The following BTN2A2 variants were observed in gnomAD, a reference collection of about 807,000 sequenced individuals.
The protein encoded by BTN2A2 is butyrophilin subfamily 2 member A2, also known as butyrophilin 2.
In BTN2A2, 29 loss-of-function variants were observed where a neutral mutation model predicts 34.7. The observed-to-expected ratio is 0.84, with a 90% CI of 0.62 to 1.14. BTN2A2 has a LOEUF of 1.14. BTN2A2 is among the 50% of genes most tolerant of loss of function. BTN2A2 has a pLI of 0.00. For missense variants in BTN2A2, 612 were observed against 651.5 expected, an observed-to-expected ratio of 0.94 and a Z score of 0.66; for synonymous variants, 240 against 253.1, an observed-to-expected ratio of 0.95 and a Z score of 0.49.
rs769686692 is a variant in BTN2A2 at position 26,385,253 on chromosome 6, C to G, written c.333C>G (p.Ser111Arg). 6.2e-7 allele frequency: 1 copy of G among 1,614,164 alleles called. No homozygotes were observed. Among genetic ancestry groups the G allele is most frequent in the Non-Finnish European group, 8.5e-7 (1 of 1,180,044 alleles). The change falls in exon 3 of 8, where the codon AGC becomes AGG. Residue 111 changes from serine (S) to arginine (R), a missense_variant. By Grantham distance (110) the Ser-to-Arg change is moderately radical. Coordinates refer to ENST00000356709, the MANE Select transcript of BTN2A2 (RefSeq NM_006995.5). ...TFVSKDINRG[S>R]VALVIHNVTA... is the part of the protein sequence containing the mutation. Reference sequence around the variant, plus strand: ...TGAGCAAAGACATCAACAGGGGCAGCGTGGCCCTGGTCATACATAACGTCA... The same window carrying G: ...TGAGCAAAGACATCAACAGGGGCAGGGTGGCCCTGGTCATACATAACGTCA...
At chr6:26,387,886 A>G in intron 3 of BTN2A2, 127 bp from the exon 4 acceptor site, 1 of 972,502 alleles carries the variant, frequency 1.0e-6, no homozygotes, top group Non-Finnish European at 1.5e-6. Flanking sequence ...AGATCTCACA[A>G]TTTATTTTGC....
chr6:26,392,181 T>C, intron 7 of BTN2A2, 194 bp from the exon 8 acceptor site: 1 of 1,520,856 alleles, frequency 6.6e-7, no homozygotes, highest in Non-Finnish European at 8.8e-7. Context: ...GCACTGCTTC[T>C]GTCTCTGGAG....
intron 3 of BTN2A2, among the ~76,000 whole-genome samples, chr6:26,386,363 A>G (rs187658268): frequency 1.2e-4 from 18 of 152,124 alleles, no homozygotes; most frequent in South Asian, 4.1e-4. Context: ...AGGACTGAAA[A>G]AAGCCTTTAA....
intron 7 of BTN2A2, chr6:26,391,669 G>C (rs73736248): frequency 6.5e-6 from 1 of 154,992 alleles, no homozygotes; most frequent in Non-Finnish European, 1.4e-5. Context: ...AGAATGCTCA[G>C]CTCCTGGGGC....
Position 26,388,976 on chromosome 6 carries a change from C to T in BTN2A2, c.724+682C>T, listed in dbSNP as rs140747970. 1.4e-4 allele frequency among the ~76,000 whole-genome samples: 22 copies of T among 152,078 alleles called. No homozygotes were observed. The South Asian group carries it at 3.9e-3, about 27-fold the overall frequency. ...CTCTACCAAAACTACAAAAATTAGC[C>T]GAGTGCGGTAGCAGGCGCCTGTAAT... On this transcript the variant is annotated intron_variant, in intron 4 of 7. Transcript: ENST00000356709.
chr6:26,393,023 A>T lies in BTN2A2; in HGVS notation c.*56A>T. On this transcript the variant is annotated 3_prime_UTR_variant, in exon 8 of 8. Transcript: ENST00000356709. ...ATAAGCCCTGGCCATCTCAGCAGCC[A>T]CCGCACAACCCCCCTAATGAAAGAC... 3 of 1,613,414 alleles carry T rather than the reference A, an allele frequency of 1.9e-6. No homozygotes were observed. The highest frequency in any genetic ancestry group is 2.5e-6 in the Non-Finnish European group (3 of 1,179,644).
rs1474087687 is a variant in BTN2A2 at position 26,393,473 on chromosome 6, A to G, written c.*506A>G. The stretch of plus-strand genomic sequence containing the variant: ...GCTGGGAGGGACCAAGGTTGTAAGG[A>G]TGGCTAAGTCCCACCATAAGAGCTA... On this transcript the variant is annotated 3_prime_UTR_variant, in exon 8 of 8. Transcript: ENST00000356709. The G allele has an allele frequency of 1.9e-6, 2 of 1,055,514 alleles. No homozygotes were observed. Among genetic ancestry groups the G allele is most frequent in the African/African-American group, 3.4e-5 (2 of 59,034 alleles). The allele number at this position is 1,055,514 out of a possible 1,614,324, so 65.4% of individuals were successfully genotyped here.
In BTN2A2 at chr6:26,393,398, G is replaced by C. The variant is rs1373427628; in HGVS notation, c.*431G>C. On this transcript the variant is annotated 3_prime_UTR_variant, in exon 8 of 8. Coordinates refer to ENST00000356709, the MANE Select transcript of BTN2A2 (RefSeq NM_006995.5). ...AGGAATCCACAGGACCACCAGAAGGGAGAGGGAACCAGATATGCAGATCAG... is the reference window on the plus strand; with the variant it reads ...AGGAATCCACAGGACCACCAGAAGGCAGAGGGAACCAGATATGCAGATCAG... 8.9e-7 allele frequency: 1 copy of C among 1,128,912 alleles called. No homozygotes were observed. Among genetic ancestry groups the C allele is most frequent in the African/African-American group, 1.6e-5 (1 of 61,620 alleles). 69.9% of individuals were successfully genotyped at this position (1,128,912 alleles called of 1,614,324 possible).
At position 26,383,625 on chromosome 6, in the gene BTN2A2, G is replaced by T; in HGVS notation, c.-30-167G>T. 4.8e-6 allele frequency: 3 copies of T among 621,310 alleles called. No individual in the cohort carries two copies. Among genetic ancestry groups the T allele is most frequent in the Non-Finnish European group, 8.6e-6 (3 of 348,150 alleles). The allele number at this position is 621,310 out of a possible 1,614,324, so 38.5% of individuals were successfully genotyped here. A position where few individuals can be genotyped will look rare whatever the true frequency, so the allele number is the denominator to read the frequency against. The stretch of plus-strand genomic sequence containing the variant: ...TCTCTGCATTGATGGCTTACTTATG[G>T]AATGTTTACGGAATCCCTCTTTCGG... On this transcript the variant is annotated intron_variant, in intron 1 of 7. Transcript: ENST00000356709. This position sits in a 1 kb window ranked among gnomAD's most constrained non-coding sequence, Gnocchi z 4.4.
At position 26,393,451 on chromosome 6, in the gene BTN2A2, G is replaced by T. The variant is rs942464077; in HGVS notation, c.*484G>T. On this transcript the variant is annotated 3_prime_UTR_variant, in exon 8 of 8. Coordinates refer to ENST00000356709, the MANE Select transcript of BTN2A2 (RefSeq NM_006995.5). ...ATAGAGGAAGTGGAACCAGAGAGCTGGGAGGGACCAAGGTTGTAAGGATGG... is the reference window on the plus strand; with the variant it reads ...ATAGAGGAAGTGGAACCAGAGAGCTTGGAGGGACCAAGGTTGTAAGGATGG... The T allele has an allele frequency of 8.4e-6, 9 of 1,074,268 alleles. No individual in the cohort carries two copies. The African/African-American group carries it at 1.5e-4, about 18-fold the overall frequency. 66.5% of individuals were successfully genotyped at this position (1,074,268 alleles called of 1,614,324 possible).
At position 26,394,622 on chromosome 6, in the gene BTN2A2, G is replaced by A. The variant is rs1346683250; in HGVS notation, c.*1655G>A. The A allele has an allele frequency of 2.8e-6, 1 of 353,252 alleles. No individual in the cohort carries two copies. Among genetic ancestry groups the A allele is most frequent in the African/African-American group, 2.1e-5 (1 of 47,718 alleles). The allele number at this position is 353,252 out of a possible 1,614,324, so 21.9% of individuals were successfully genotyped here. On this transcript the variant is annotated 3_prime_UTR_variant, in exon 8 of 8. Transcript: ENST00000356709. ...GAGAGTTACACAATCAGCTTCCCTG[G>A]TTCTGAGGCTTTCAGACTTAAACTG...
intron 3 of BTN2A2, 189 bp downstream of exon 3, chr6:26,385,551 TC>T (rs1761141733): frequency 5.2e-6 from 3 of 573,372 alleles, no homozygotes; most frequent in Non-Finnish European, 6.1e-6. Flanking sequence ...AGGTTTCACT[TC>T]TTTTTTTTTT....
At chr6:26,387,545 A>G (rs1345546376) in intron 3 of BTN2A2, among the ~76,000 whole-genome samples, 1 of 149,680 alleles carries the variant, frequency 6.7e-6, no homozygotes, top group Non-Finnish European at 1.5e-5. Context: ...AGCCTGGGCA[A>G]CATGGCAAAA....
In BTN2A2 at chr6:26,383,649, G is replaced by A. The variant is rs1760997687; in HGVS notation, c.-30-143G>A. On this transcript the variant is annotated intron_variant, in intron 1 of 7. Transcript: ENST00000356709. This position sits in a 1 kb window ranked among gnomAD's most constrained non-coding sequence, Gnocchi z 4.4. Reference sequence around the variant, plus strand: ...GGAATGTTTACGGAATCCCTCTTTCGGAGATACCTGAGCCTTGAGATGCAA... The same window carrying A: ...GGAATGTTTACGGAATCCCTCTTTCAGAGATACCTGAGCCTTGAGATGCAA... 5 of 673,444 alleles carry A rather than the reference G, an allele frequency of 7.4e-6. No individual in the cohort carries two copies. In the Admixed American group the frequency reaches 1.2e-4, roughly 16 times the overall value. 41.7% of individuals were successfully genotyped at this position (673,444 alleles called of 1,614,324 possible).
intron 3 of BTN2A2, among the ~76,000 whole-genome samples, chr6:26,385,870 G>A (rs1467252935): frequency 2.0e-5 from 3 of 152,168 alleles, no homozygotes; most frequent in Non-Finnish European, 4.4e-5. Context: ...TTCTTCAGAA[G>A]CACACGCATT....
rs1318870932 is a variant in BTN2A2 at position 26,384,717 on chromosome 6, T to TGCAAAATG, written c.95-296_95-289dup. ...ACTACACTCAGGCACAGTGCTAGAT[T>TGCAAAATG]GCAAAATGGAGGAAAATCTCAGGGG... On this transcript the variant is annotated intron_variant, in intron 2 of 7. Transcript: ENST00000356709. The surrounding 1 kb of genome is among the most constrained non-coding windows in gnomAD (Gnocchi z 4.0). Among the ~76,000 whole-genome samples, 3 of 152,178 alleles carry TGCAAAATG rather than the reference T, an allele frequency of 2.0e-5. No individual in the cohort carries two copies. Among genetic ancestry groups the TGCAAAATG allele is most frequent in the African/African-American group, 7.2e-5 (3 of 41,436 alleles).
chr6:26,393,232 A>C lies in BTN2A2; in HGVS notation c.*265A>C. ...AGTTGTTTCATAGCTCCCAGTCAAAAAGAAAGTGAGAGAAGCTGTTGGGCA... is the reference window on the plus strand; with the variant it reads ...AGTTGTTTCATAGCTCCCAGTCAAACAGAAAGTGAGAGAAGCTGTTGGGCA... On this transcript the variant is annotated 3_prime_UTR_variant, in exon 8 of 8. Coordinates refer to ENST00000356709, the MANE Select transcript of BTN2A2 (RefSeq NM_006995.5). 6.8e-7 allele frequency: 1 copy of C among 1,479,794 alleles called. No homozygotes were observed. Among genetic ancestry groups the C allele is most frequent in the Non-Finnish European group, 9.0e-7 (1 of 1,115,546 alleles). The allele number at this position is 1,479,794 out of a possible 1,614,324, so 91.7% of individuals were successfully genotyped here. A position where few individuals can be genotyped will look rare whatever the true frequency, so the allele number is the denominator to read the frequency against.
At position 26,394,076 on chromosome 6, in the gene BTN2A2, T is replaced by C; in HGVS notation, c.*1109T>C. ...ATATCTGCCTTTGTATTAAACCTAT[T>C]GGTATATCATAGGTCATGTTAGCTC... On this transcript the variant is annotated 3_prime_UTR_variant, in exon 8 of 8. Coordinates refer to ENST00000356709, the MANE Select transcript of BTN2A2 (RefSeq NM_006995.5). The C allele has an allele frequency of 2.3e-6, 1 of 436,334 alleles. No individual in the cohort carries two copies. The highest frequency in any genetic ancestry group is 3.4e-5 in the East Asian group (1 of 29,250). The allele number at this position is 436,334 out of a possible 1,614,324, so 27.0% of individuals were successfully genotyped here.
In BTN2A2 at chr6:26,385,190, G is replaced by A. The variant is rs750853947; in HGVS notation, c.270G>A (p.Glu90=). Residue 90 remains glutamate, a synonymous_variant, in exon 3 of 8, where the codon GAG becomes GAA. Transcript: ENST00000356709. The part of the protein sequence containing the change: ...FVYKGGRERT[E]EQMEEYRGRI... The stretch of plus-strand genomic sequence containing the variant: ...ATAAGGGTGGGAGAGAGAGAACAGA[G>A]GAGCAGATGGAGGAGTACCGGGGAA... 47 of 1,613,956 alleles carry A rather than the reference G, an allele frequency of 2.9e-5. No individual in the cohort carries two copies. The highest frequency in any genetic ancestry group is 3.9e-5 in the Non-Finnish European group (46 of 1,179,988).
Sources: gnomAD v4.1 joint callset for allele counts (sites outside exome capture counted in the v4.1 genomes callset) on GRCh38, gnomAD v4.1.1 for gene constraint, Gnocchi (gnomAD v3.1) non-coding constraint, MANE v1.5 for transcripts, NCBI Gene and HGNC (gene_info 2026-07-23, HGNC 2026-07-21) for gene names.